The following SETD5 variants were observed in gnomAD, a reference collection of about 807,000 sequenced individuals.
The protein encoded by SETD5 is SET domain containing 5, also known as histone-lysine N-methyltransferase SETD5.
A neutral mutation model predicts 153.3 loss-of-function variants in SETD5; 44 were observed. The ratio of observed to expected loss-of-function variants is 0.29; its 90% CI spans 0.23 to 0.37. SETD5 has a LOEUF of 0.37. Among genes scored for constraint, SETD5 ranks in the 10% least tolerant of loss-of-function variants. The pLI is 1.00. For missense variants in SETD5, 1,544 were observed against 1,768.0 expected (o/e 0.87, Z 2.27); for synonymous variants, 716 against 645.2 (o/e 1.11, Z -1.66).
At chr3:9,454,937 T>C (rs958942227) in intron 17 of SETD5, among the ~76,000 whole-genome samples, 7 of 152,162 alleles carry the variant, frequency 4.6e-5, no homozygotes, top group African/African-American at 1.4e-4. Flanking sequence ...AAGCAACCTT[T>C]CAGGTTGCAA....
Position 9,470,704 on chromosome 3 carries a change from G to A in SETD5, c.2970G>A (p.Leu990=). The change falls in exon 19 of 23, where the codon TTG becomes TTA. Residue 990 remains leucine, a synonymous_variant. Transcript: ENST00000402198. ...EFNLMYAYSP[L]NAMPRADGLY... is the part of the protein sequence containing the mutation. ...ACTTGATGTATGCCTACTCCCCTTTGAATGCTATGCCTCGAGCAGATGGAC... is the reference window on the plus strand; with the variant it reads ...ACTTGATGTATGCCTACTCCCCTTTAAATGCTATGCCTCGAGCAGATGGAC... The A allele has an allele frequency of 1.2e-6, 2 of 1,613,994 alleles. No individual in the cohort carries two copies. Among genetic ancestry groups the A allele is most frequent in the Non-Finnish European group, 1.7e-6 (2 of 1,179,888 alleles).
intron 3 of SETD5, chr3:9,431,120 G>A (rs2039913426): frequency 1.0e-6 from 1 of 985,402 alleles, no homozygotes; most frequent in Non-Finnish European, 1.2e-6. Flanking sequence ...TCACTTCATA[G>A]AATTTTAAAT....
intron 1 of SETD5, among the ~76,000 whole-genome samples, chr3:9,421,622 A>G (rs996110959): frequency 6.6e-6 from 1 of 152,248 alleles, no homozygotes; most frequent in Non-Finnish European, 1.5e-5. Flanking sequence ...AAATCGAAGA[A>G]CTATAGATGT....
intron 3 of SETD5, chr3:9,431,207 C>CA (rs1553615634): frequency 3.0e-6 from 3 of 985,200 alleles, no homozygotes; most frequent in Non-Finnish European, 3.6e-6. Context: ...ACAAGCAAAA[C>CA]AAAGATTTTT....
At chr3:9,415,911 G>A (rs915199795) in intron 1 of SETD5, among the ~76,000 whole-genome samples, 1 of 149,686 alleles carries the variant, frequency 6.7e-6, no homozygotes, top group African/African-American at 2.5e-5. Flanking sequence ...CTCTGGTTCT[G>A]TTGCCCAGGC....
chr3:9,412,830 A>G (rs374952331), intron 1 of SETD5, among the ~76,000 whole-genome samples: 1 of 151,666 alleles, frequency 6.6e-6, no homozygotes, highest in Admixed American at 6.6e-5. Context: ...AGATGAAACA[A>G]TCAACTTATT....
At chr3:9,464,014 G>A (rs897974511) in intron 17 of SETD5, among the ~76,000 whole-genome samples, 2 of 152,140 alleles carry the variant, frequency 1.3e-5, no homozygotes, top group African/African-American at 4.8e-5. Flanking sequence ...TGTAATCCCA[G>A]CTACTCGGGA....
chr3:9,438,941 C>A (rs1052226626), intron 7 of SETD5, among the ~76,000 whole-genome samples: 1 of 152,290 alleles, frequency 6.6e-6, no homozygotes, highest in South Asian at 2.1e-4. Context: ...TACTCTAAAC[C>A]CAACTGAGGT....
intron 17 of SETD5, among the ~76,000 whole-genome samples, chr3:9,454,702 A>G (rs2043026509): frequency 6.6e-6 from 1 of 150,902 alleles, no homozygotes; most frequent in Non-Finnish European, 1.5e-5. Flanking sequence ...TTTTTAAACT[A>G]GATGTCAATG....
Position 9,474,503 on chromosome 3 carries a change from C to T in SETD5, c.3552C>T (p.Val1184=). ...GAGAAGGAGGGAGCATCCCCAAGGT[C>T]CTCCGAAGCAGCGTGAGGGTGGCCC... The part of the protein sequence containing the change: ...RLREGGSIPK[V]LRSSVRVAQK... The change falls in exon 21 of 23, where the codon GTC becomes GTT. Residue 1184 remains valine, a synonymous_variant. Transcript: ENST00000402198. 6.2e-7 allele frequency: 1 copy of T among 1,613,846 alleles called. No individual in the cohort carries two copies. The highest frequency in any genetic ancestry group is 1.6e-4 in the Middle Eastern group (1 of 6,062).
At chr3:9,445,902 A>G (rs1244777940) in intron 13 of SETD5, among the ~76,000 whole-genome samples, 162 bp downstream of exon 13, 1 of 103,938 alleles carries the variant, frequency 9.6e-6, no homozygotes, top group African/African-American at 3.7e-5. Context: ...TTTTTTATTT[A>G]TTTTTCTCTA....
At chr3:9,449,279 C>T (rs755450727) in intron 16 of SETD5, among the ~76,000 whole-genome samples, 68 of 152,122 alleles carry the variant, frequency 4.5e-4, no homozygotes, top group Admixed American at 1.2e-3. Flanking sequence ...GTGGCAGTAG[C>T]GTTTGGTGGT....
intron 1 of SETD5, among the ~76,000 whole-genome samples, chr3:9,419,467 A>G (rs879355882): frequency 3.9e-5 from 6 of 152,096 alleles, no homozygotes; most frequent in African/African-American, 1.4e-4. Flanking sequence ...TTGGGAGGCT[A>G]AGGTGAGAGG....
chr3:9,448,266 T>C, intron 15 of SETD5, 122 bp from the exon 16 acceptor site: 1 of 1,421,558 alleles, frequency 7.0e-7, no homozygotes, highest in Non-Finnish European at 9.3e-7. Context: ...TTCTAGTTGC[T>C]CAATTCATTC....
chr3:9,400,489 A>G (rs957427528), intron 1 of SETD5, among the ~76,000 whole-genome samples: 5 of 152,198 alleles, frequency 3.3e-5, no homozygotes, highest in African/African-American at 1.2e-4. Context: ...CATCCTTTCG[A>G]TTAGACCACA....
At chr3:9,462,995 TA>T (rs2044162098) in intron 17 of SETD5, among the ~76,000 whole-genome samples, 1 of 151,994 alleles carries the variant, frequency 6.6e-6, no homozygotes, top group Non-Finnish European at 1.5e-5. Context: ...ATGCTAATAC[TA>T]ATGTGTTCAC....
In SETD5 at chr3:9,447,130, C is replaced by G; in HGVS notation, c.1605C>G (p.Pro535=). ...LEKRKKRRDQ[P]LEQSNSDVEI... is the part of the protein sequence containing the mutation. ...AAAGAAAGAAGCGGCGGGATCAGCC[C>G]TTGGAACAGAGCAACTCTGATGTAG... The change falls in exon 14 of 23, where the codon CCC becomes CCG. Residue 535 remains proline (P), a synonymous_variant. Transcript: ENST00000402198. 1 of 1,613,994 alleles carries G rather than the reference C, an allele frequency of 6.2e-7. No homozygotes were observed. Among genetic ancestry groups the G allele is most frequent in the Middle Eastern group, 1.6e-4 (1 of 6,062 alleles).
chr3:9,403,008 A>G lies in SETD5; in HGVS notation c.-177+5031A>G, dbSNP rs1330415626. On this transcript the variant is annotated intron_variant, in intron 1 of 22. Transcript: ENST00000402198. ...CCTGTCAATATGGCCAAACAGCTAG[A>G]TAAGTGCGGGGCAGGACAAAGGGCT... is the stretch of plus-strand genomic sequence containing the variant. Among the ~76,000 whole-genome samples the G allele has an allele frequency of 5.3e-5, 8 of 152,172 alleles. No individual in the cohort carries two copies. In the East Asian group the frequency reaches 7.7e-4, roughly 15 times the overall value.
intron 10 of SETD5, 54 bp from the exon 11 acceptor site, chr3:9,443,254 T>TA: frequency 7.8e-7 from 1 of 1,285,926 alleles, no homozygotes; most frequent in South Asian, 1.3e-5. Flanking sequence ...TTTTCTCTCT[T>TA]ACGGAAAGTT....
Sources: allele counts gnomAD v4.1 joint callset (sites outside exome capture counted in the v4.1 genomes callset), GRCh38; gene constraint gnomAD v4.1.1; transcripts MANE v1.5; gene names NCBI Gene and HGNC (gene_info 2026-07-23, HGNC 2026-07-21).